PLXNA4: variants seen among roughly 807,000 people sequenced by gnomAD.
PLXNA4 encodes plexin A4, also known as plexin-A4.
A neutral mutation model predicts 191.8 loss-of-function variants in PLXNA4; 44 were observed. The observed-to-expected ratio is 0.23, with a 90% confidence interval of 0.18 to 0.29. The LOEUF (loss-of-function observed/expected upper bound fraction) is 0.29, where lower values mean the gene tolerates loss of function less well. Among genes scored for constraint, PLXNA4 ranks in the 10% least tolerant of loss-of-function variants. The probability of loss-of-function intolerance (pLI) is 1.00; values close to 1 mark genes in which losing one functional copy is unlikely to be tolerated. For missense variants in PLXNA4, 1,800 were observed against 2,488.8 expected (o/e 0.72, Z 5.89); for synonymous variants, 1,082 against 1,009.5 (o/e 1.07, Z -1.36).
chr7:132,628,871 C>A (rs1803436928), intron 2 of PLXNA4, among the ~76,000 whole-genome samples: 1 of 152,248 alleles, frequency 6.6e-6, no homozygotes, highest in African/African-American at 2.4e-5. Context: ...TCCTTCTACA[C>A]TACGCCTTGC....
At chr7:132,366,638 C>T (rs1804198907) in intron 3 of PLXNA4, among the ~76,000 whole-genome samples, 1 of 152,150 alleles carries the variant, frequency 6.6e-6, no homozygotes, top group South Asian at 2.1e-4. Flanking sequence ...AGAGGAATGA[C>T]TGATGTTGCA....
chr7:132,519,432 C>CAAGA (rs1371244430), intron 1 of PLXNA4, among the ~76,000 whole-genome samples: 1 of 152,218 alleles, frequency 6.6e-6, no homozygotes, highest in Admixed American at 6.5e-5. Context: ...TCTGCTGCCC[C>CAAGA]AAGACCTGAG....
intron 3 of PLXNA4, among the ~76,000 whole-genome samples, chr7:132,450,814 C>T (rs527915787): frequency 5.4e-4 from 82 of 152,316 alleles, no homozygotes; most frequent in African/African-American, 1.9e-3. Flanking sequence ...TGAGGGAGCA[C>T]TCTGTCCCAC....
chr7:132,607,533 T>C (rs962409645), intron 2 of PLXNA4, among the ~76,000 whole-genome samples: 2 of 152,192 alleles, frequency 1.3e-5, no homozygotes, highest in Non-Finnish European at 2.9e-5. Flanking sequence ...CTAAAGGGAT[T>C]GGAGTTTTAT....
intron 4 of PLXNA4, among the ~76,000 whole-genome samples, chr7:132,270,479 G>C (rs1050526343): frequency 6.6e-6 from 1 of 152,242 alleles, no homozygotes; most frequent in Admixed American, 6.5e-5. Flanking sequence ...AGTTCAGAAA[G>C]TAAAGGTTGT....
intron 23 of PLXNA4, among the ~76,000 whole-genome samples, chr7:132,164,539 C>T (rs932224561): frequency 6.6e-5 from 10 of 152,188 alleles, no homozygotes. Context: ...TGCCGCCTCT[C>T]CAGGGCTCTT....
At chr7:132,533,716 C>T (rs1799717238) in intron 1 of PLXNA4, among the ~76,000 whole-genome samples, 1 of 152,202 alleles carries the variant, frequency 6.6e-6, no homozygotes, top group Non-Finnish European at 1.5e-5. Flanking sequence ...CCAGAGAGCT[C>T]TGCTCTCCCT....
chr7:132,532,028 A>G (rs1305632813), intron 1 of PLXNA4, among the ~76,000 whole-genome samples: 1 of 152,226 alleles, frequency 6.6e-6, no homozygotes. Context: ...CTAGAGCCTC[A>G]GTCCAAAGTT....
intron 1 of PLXNA4, among the ~76,000 whole-genome samples, chr7:132,561,743 C>T (rs1801109539): frequency 7.7e-6 from 1 of 129,962 alleles, no homozygotes; most frequent in Non-Finnish European, 1.6e-5. Context: ...CCTCCTCCTC[C>T]TTCTTCTCCT....
chr7:132,529,796 G>A (rs1002286723), intron 1 of PLXNA4, among the ~76,000 whole-genome samples: 35 of 151,956 alleles, frequency 2.3e-4, no homozygotes, highest in Non-Finnish European at 4.9e-4. Flanking sequence ...TAGTAGAGAC[G>A]GGGTTTCACC....
At chr7:132,289,019 C>T (rs1800786965) in intron 4 of PLXNA4, among the ~76,000 whole-genome samples, 1 of 152,192 alleles carries the variant, frequency 6.6e-6, no homozygotes, top group Non-Finnish European at 1.5e-5. Flanking sequence ...GGTCCCAAGC[C>T]TCAAGCGATG....
At chr7:132,402,514 GGA>G (rs919077922) in intron 3 of PLXNA4, among the ~76,000 whole-genome samples, 12 of 152,152 alleles carry the variant, frequency 7.9e-5, no homozygotes, top group African/African-American at 2.9e-4. Context: ...TACACACAGG[GGA>G]GAGGGGCAGT....
chr7:132,480,551 C>A (rs1003969671), intron 3 of PLXNA4, among the ~76,000 whole-genome samples: 1 of 151,980 alleles, frequency 6.6e-6, no homozygotes, highest in African/African-American at 2.4e-5. Context: ...CGGTGAGAAA[C>A]CAAGACAAAG....
chr7:132,249,316 G>C (rs1288214532), intron 4 of PLXNA4, among the ~76,000 whole-genome samples: 1 of 152,228 alleles, frequency 6.6e-6, no homozygotes, highest in Non-Finnish European at 1.5e-5. Context: ...ATGTTGTGGA[G>C]GGCTGCAATT....
chr7:132,232,756 G>A (rs1025267361), intron 5 of PLXNA4, among the ~76,000 whole-genome samples: 3 of 152,208 alleles, frequency 2.0e-5, no homozygotes, highest in Admixed American at 6.5e-5. Flanking sequence ...AAGGAAGGAA[G>A]GGGGTGAGGG....
At position 132,634,495 on chromosome 7, in the gene PLXNA4, A is replaced by G. The variant is rs79538861; in HGVS notation, c.-87+11433T>C. Among the ~76,000 whole-genome samples the G allele has an allele frequency of 6.2e-3, 943 of 152,152 alleles. 6 individuals carry two copies. The highest frequency in any genetic ancestry group is 0.022 in the African/African-American group (915 of 41,528). On this transcript the variant is annotated intron_variant, in intron 2 of 4. Coordinates refer to the PLXNA4 transcript ENST00000378539. Reference sequence around the variant, plus strand: ...ACACACACACACACTACACACACACATACAGAAAGCCATACTTATCCACAA... The same window carrying G: ...ACACACACACACACTACACACACACGTACAGAAAGCCATACTTATCCACAA...
intron 4 of PLXNA4, among the ~76,000 whole-genome samples, chr7:132,296,926 G>C (rs920787937): frequency 4.6e-5 from 7 of 152,128 alleles, no homozygotes; most frequent in African/African-American, 1.7e-4. Flanking sequence ...GCCTCATCCA[G>C]GGCACAGTGG....
At chr7:132,368,442 A>T (rs1804284401) in intron 3 of PLXNA4, among the ~76,000 whole-genome samples, 2 of 152,180 alleles carry the variant, frequency 1.3e-5, no homozygotes, top group Non-Finnish European at 2.9e-5. Context: ...CCTGCCAGGC[A>T]TCCAGGGAAG....
chr7:132,460,307 C>T (rs1469983559), intron 3 of PLXNA4, among the ~76,000 whole-genome samples: 1 of 151,086 alleles, frequency 6.6e-6, no homozygotes, highest in Non-Finnish European at 1.5e-5. Context: ...TGCAGTGAGC[C>T]ATGATGATGC....
Sources: allele counts gnomAD v4.1 joint callset (sites outside exome capture counted in the v4.1 genomes callset), GRCh38; gene constraint gnomAD v4.1.1; transcripts MANE v1.5; gene names NCBI Gene and HGNC (gene_info 2026-07-23, HGNC 2026-07-21).